GATAD2A: variants seen among roughly 807,000 people sequenced by gnomAD.
GATAD2A encodes transcriptional repressor p66-alpha.
GATAD2A carries 12 observed loss-of-function variants against 68.5 expected under a neutral mutation model. That is an observed-to-expected ratio of 0.18 (90% CI 0.11 to 0.28). GATAD2A has a LOEUF of 0.28. GATAD2A is among the 10% of genes least tolerant of loss of function. The pLI is 1.00. For synonymous variants in GATAD2A, 410 were observed against 375.3 expected, an observed-to-expected ratio of 1.09 and a Z score of -1.07; for missense variants, 755 against 868.5, an observed-to-expected ratio of 0.87 and a Z score of 1.64.
intron 2 of GATAD2A, among the ~76,000 whole-genome samples, chr19:19,476,647 C>T (rs1243558015): frequency 6.6e-6 from 1 of 152,212 alleles, no homozygotes; most frequent in African/African-American, 2.4e-5. Context: ...CCCTCATGGT[C>T]CCCTAACCTG....
In GATAD2A at chr19:19,408,297, T is replaced by C. The variant is rs529310798; in HGVS notation, c.-7+2278T>C. Among the ~76,000 whole-genome samples, 17 of 152,364 alleles carry C rather than the reference T, an allele frequency of 1.1e-4. No homozygotes were observed. In the South Asian group the frequency reaches 1.9e-3, roughly 17 times the overall value. On this transcript the variant is annotated intron_variant, in intron 1 of 11. Coordinates refer to ENST00000683918, the MANE Select transcript of GATAD2A (RefSeq NM_001384528.1). ...ACCACGCCTGGCGGATGCATTGTTA[T>C]TTCCACTCAGATGACATCATTTTTT...
At chr19:19,416,864 C>T (rs1377442746) in intron 1 of GATAD2A, among the ~76,000 whole-genome samples, 3 of 151,830 alleles carry the variant, frequency 2.0e-5, no homozygotes, top group Non-Finnish European at 2.9e-5. Flanking sequence ...AGGGTCCAAG[C>T]GATTCTCCTG....
intron 1 of GATAD2A, among the ~76,000 whole-genome samples, chr19:19,432,923 A>C (rs746776402): frequency 2.4e-4 from 36 of 152,192 alleles, no homozygotes; most frequent in Non-Finnish European, 7.3e-5. Context: ...CCAGTAGAGG[A>C]CAGTGTGGCC....
intron 1 of GATAD2A, among the ~76,000 whole-genome samples, chr19:19,460,643 T>G (rs902555443): frequency 6.6e-6 from 1 of 152,102 alleles, no homozygotes; most frequent in Non-Finnish European, 1.5e-5. Context: ...TCCTCAAATC[T>G]GCTCCTCCCC....
In GATAD2A at chr19:19,495,763, G is replaced by A; in HGVS notation, c.634G>A (p.Ala212Thr). 1.2e-6 allele frequency: 2 copies of A among 1,610,624 alleles called. No individual in the cohort carries two copies. The highest frequency in any genetic ancestry group is 1.7e-5 in the Admixed American group (1 of 59,864). ...AGKPSLQTSSARMPGSVIPPP... is the reference protein window; with the variant it reads ...AGKPSLQTSSTRMPGSVIPPP... ...TTGGTATCGTTGGCAGACCTCTTCAGCTCGGATGCCCGGCAGTGTCATACC... is the reference window on the plus strand; with the variant it reads ...TTGGTATCGTTGGCAGACCTCTTCAACTCGGATGCCCGGCAGTGTCATACC... Residue 212 changes from alanine (A) to threonine (T), a missense_variant, in exon 6 of 12, where the codon GCT becomes ACT. Physicochemically the swap from Ala to Thr is moderately conservative, Grantham distance 58. Coordinates refer to ENST00000683918, the MANE Select transcript of GATAD2A (RefSeq NM_001384528.1).
upstream of GATAD2A, among the ~76,000 whole-genome samples, chr19:19,403,219 A>T (rs1205269324): frequency 6.6e-6 from 1 of 152,196 alleles, no homozygotes; most frequent in African/African-American, 2.4e-5. Flanking sequence ...ATAATCACCC[A>T]GCTGAACTAT....
intron 1 of GATAD2A, among the ~76,000 whole-genome samples, chr19:19,429,973 C>A (rs915613929): frequency 3.3e-5 from 5 of 152,096 alleles, no homozygotes; most frequent in African/African-American, 1.2e-4. Flanking sequence ...CCCCTGACTT[C>A]TTGGCGGCAG....
chr19:19,430,973 A>AGGG lies in GATAD2A; in HGVS notation c.-7+24956_-7+24958dup, dbSNP rs139484329. 1.0e-3 allele frequency among the ~76,000 whole-genome samples: 97 copies of AGGG among 96,674 alleles called. 1 individual carries two copies. The highest frequency in any genetic ancestry group is 1.2e-3 in the Admixed American group (11 of 9,280). The allele number at this position is 96,674 out of a possible 152,430, so 63.4% of individuals were successfully genotyped here. On this transcript the variant is annotated intron_variant, in intron 1 of 11. Coordinates refer to ENST00000683918, the MANE Select transcript of GATAD2A (RefSeq NM_001384528.1). ...CTTGTGTTTGGGTGGGTTGTATGGT[A>AGGG]GGGGTGTGTGTGTGTGTGTGTGTGT... is the stretch of plus-strand genomic sequence containing the variant.
intron 6 of GATAD2A, 76 bp downstream of exon 6, chr19:19,495,961 G>C (rs2060122865): frequency 6.3e-7 from 1 of 1,584,008 alleles, no homozygotes; most frequent in Non-Finnish European, 8.6e-7. Flanking sequence ...GCCCTTCCCA[G>C]TCCTTGGGGG....
chr19:19,444,674 C>G (rs1184752916), intron 1 of GATAD2A, among the ~76,000 whole-genome samples: 1 of 151,962 alleles, frequency 6.6e-6, no homozygotes, highest in African/African-American at 2.4e-5. Context: ...AATTTGAGAC[C>G]ACCCTAGGCA....
chr19:19,474,723 G>A (rs1253802509), intron 2 of GATAD2A, among the ~76,000 whole-genome samples: 2 of 152,292 alleles, frequency 1.3e-5, no homozygotes, highest in East Asian at 3.9e-4. Context: ...AAACTGCAGG[G>A]TTACAAATTG....
At chr19:19,403,895 C>T (rs1171306662), upstream of GATAD2A, among the ~76,000 whole-genome samples, 1 of 152,176 alleles carries the variant, frequency 6.6e-6, no homozygotes, top group African/African-American at 2.4e-5. Context: ...AATTCCTATA[C>T]CGAGTCACCT....
chr19:19,447,051 T>C (rs2055807123), intron 1 of GATAD2A, among the ~76,000 whole-genome samples: 1 of 152,190 alleles, frequency 6.6e-6, no homozygotes, highest in Admixed American at 6.5e-5. Context: ...CCTTGGATGG[T>C]AGTGCTAGAG....
chr19:19,499,197 G>A (rs1350689564), intron 8 of GATAD2A, among the ~76,000 whole-genome samples: 1 of 152,212 alleles, frequency 6.6e-6, no homozygotes. Flanking sequence ...AGTGCACTGT[G>A]TCCTGGGGGA....
chr19:19,487,311 G>A (rs928382778), intron 2 of GATAD2A, among the ~76,000 whole-genome samples: 34 of 152,180 alleles, frequency 2.2e-4, no homozygotes, highest in African/African-American at 8.2e-4. Context: ...GTGCTGTGCC[G>A]GTGCCACACC....
intron 1 of GATAD2A, among the ~76,000 whole-genome samples, chr19:19,432,580 G>A (rs1168372477): frequency 1.3e-5 from 2 of 152,226 alleles, no homozygotes; most frequent in Non-Finnish European, 2.9e-5. Context: ...GGGATTACAG[G>A]CATGAGCTAC....
chr19:19,476,911 A>G (rs973903727), intron 2 of GATAD2A, among the ~76,000 whole-genome samples: 1 of 152,176 alleles, frequency 6.6e-6, no homozygotes, highest in South Asian at 2.1e-4. Context: ...AGATGAGCAT[A>G]TGAATTATAA....
At chr19:19,483,937 A>T (rs1460251917) in intron 2 of GATAD2A, among the ~76,000 whole-genome samples, 1 of 151,838 alleles carries the variant, frequency 6.6e-6, no homozygotes, top group African/African-American at 2.4e-5. Context: ...CTAGTTCCTC[A>T]GTTTTGGGGC....
intron 7 of GATAD2A, 59 bp downstream of exon 7, chr19:19,496,278 C>G: frequency 6.7e-7 from 1 of 1,486,558 alleles, no homozygotes; most frequent in Non-Finnish European, 9.3e-7. Flanking sequence ...GACTGCTCCC[C>G]TTGGACCCAG....
Sources: gnomAD v4.1 joint callset for allele counts (sites outside exome capture counted in the v4.1 genomes callset) on GRCh38, gnomAD v4.1.1 for gene constraint, MANE v1.5 for transcripts, NCBI Gene and HGNC (gene_info 2026-07-23, HGNC 2026-07-21) for gene names.